VAV3: variants seen among roughly 807,000 people sequenced by gnomAD.
VAV3 encodes vav guanine nucleotide exchange factor 3, also known as guanine nucleotide exchange factor VAV3.
In VAV3, 94 loss-of-function variants were observed where a neutral mutation model predicts 131.2. The ratio of observed to expected loss-of-function variants is 0.72; its 90% CI spans 0.61 to 0.85. VAV3 has a LOEUF of 0.85. VAV3 is among the 40% of genes least tolerant of loss of function. The pLI is 0.00. For synonymous variants in VAV3, 349 were observed against 342.0 expected, an observed-to-expected ratio of 1.02 and a Z score of -0.22; for missense variants, 939 against 1,002.7, an observed-to-expected ratio of 0.94 and a Z score of 0.86.
chr1:107,634,187 A>C (rs1654726062), intron 20 of VAV3, among the ~76,000 whole-genome samples: 1 of 152,136 alleles, frequency 6.6e-6, no homozygotes, highest in South Asian at 2.1e-4. Flanking sequence ...CAAAAGAACA[A>C]AGCTGGAGGC....
At chr1:107,589,434 T>C (rs1463655833) in intron 25 of VAV3, among the ~76,000 whole-genome samples, 1 of 152,146 alleles carries the variant, frequency 6.6e-6, no homozygotes, top group African/African-American at 2.4e-5. Context: ...AACCAAGCCA[T>C]GCCAAGGATT....
chr1:107,964,618 A>T, intron 1 of VAV3, 48 bp downstream of exon 1: 1 of 1,584,450 alleles, frequency 6.3e-7, no homozygotes, highest in Non-Finnish European at 8.6e-7. Context: ...CCGCATGATT[A>T]ATGGGAGCTG....
intron 2 of VAV3, among the ~76,000 whole-genome samples, chr1:107,829,127 T>A (rs1390966017): frequency 6.6e-6 from 1 of 152,186 alleles, no homozygotes; most frequent in Non-Finnish European, 1.5e-5. Flanking sequence ...CACAGAGAGA[T>A]GTTAGTAAAA....
At chr1:107,614,142 G>A (rs1187694321) in intron 21 of VAV3, among the ~76,000 whole-genome samples, 1 of 151,966 alleles carries the variant, frequency 6.6e-6, no homozygotes, top group African/African-American at 2.4e-5. Context: ...AGAGCTCCTG[G>A]AATCGGGGAT....
chr1:107,808,120 T>C (rs911720645), intron 2 of VAV3, among the ~76,000 whole-genome samples: 1 of 152,216 alleles, frequency 6.6e-6, no homozygotes, highest in Non-Finnish European at 1.5e-5. Flanking sequence ...AGATATTTTA[T>C]ACAATGTCCT....
intron 1 of VAV3, among the ~76,000 whole-genome samples, chr1:107,905,581 G>A (rs1004975421): frequency 1.1e-4 from 16 of 151,950 alleles, no homozygotes; most frequent in African/African-American, 2.2e-4. Flanking sequence ...TTACATTGCT[G>A]CCCAGATTGC....
At chr1:107,888,238 C>T (rs185110690) in intron 1 of VAV3, among the ~76,000 whole-genome samples, 2 of 152,242 alleles carry the variant, frequency 1.3e-5, no homozygotes, top group African/African-American at 4.8e-5. Context: ...GCAACATTCC[C>T]CACAAGTGAC....
chr1:107,822,144 G>C (rs1269728160), intron 2 of VAV3, among the ~76,000 whole-genome samples: 1 of 152,098 alleles, frequency 6.6e-6, no homozygotes, highest in Non-Finnish European at 1.5e-5. Context: ...TATCTCTTGA[G>C]GCAAAACTCC....
chr1:107,892,950 T>C (rs1360526592), intron 1 of VAV3, among the ~76,000 whole-genome samples: 1 of 152,210 alleles, frequency 6.6e-6, no homozygotes, highest in Non-Finnish European at 1.5e-5. Flanking sequence ...GGCTGAGCAC[T>C]ACCTGGCCTC....
chr1:107,635,672 T>C (rs1040039433), intron 20 of VAV3, among the ~76,000 whole-genome samples: 6 of 152,124 alleles, frequency 3.9e-5, no homozygotes, highest in Admixed American at 2.6e-4. Context: ...ACAAATTTGA[T>C]GGTGACAGTG....
At chr1:107,644,305 G>C (rs1182611519) in intron 19 of VAV3, among the ~76,000 whole-genome samples, 1 of 152,120 alleles carries the variant, frequency 6.6e-6, no homozygotes, top group East Asian at 1.9e-4. Context: ...GTAATATAAA[G>C]TGGAATAATT....
chr1:107,617,243 G>T (rs755993445), intron 21 of VAV3, among the ~76,000 whole-genome samples: 2 of 152,094 alleles, frequency 1.3e-5, no homozygotes, highest in African/African-American at 4.8e-5. Context: ...GAGGCAGACC[G>T]TACCATTCTC....
chr1:107,870,327 T>C (rs1195930870), intron 2 of VAV3, among the ~76,000 whole-genome samples: 1 of 152,160 alleles, frequency 6.6e-6, no homozygotes, highest in East Asian at 1.9e-4. Context: ...ATTATGGCCA[T>C]TCTTGCAGGA....
chr1:107,933,036 T>C (rs1444943881), intron 1 of VAV3, among the ~76,000 whole-genome samples: 5 of 152,202 alleles, frequency 3.3e-5, no homozygotes, highest in Non-Finnish European at 7.3e-5. Context: ...CATATCCCAA[T>C]GTTAAGGAAT....
At chr1:107,710,617 C>T (rs945397472) in intron 15 of VAV3, among the ~76,000 whole-genome samples, 6 of 152,142 alleles carry the variant, frequency 3.9e-5, no homozygotes, top group Admixed American at 3.3e-4. Context: ...TGGCTCTCTT[C>T]TTGCATCCTT....
intron 2 of VAV3, among the ~76,000 whole-genome samples, chr1:107,832,769 G>C (rs961371721): frequency 1.3e-5 from 2 of 152,156 alleles, no homozygotes; most frequent in African/African-American, 4.8e-5. Context: ...TTTAAAAACA[G>C]TAACGCTGTA....
At position 107,669,513 on chromosome 1, in the gene VAV3, G is replaced by T. The variant is rs2494046; in HGVS notation, c.1777+13975C>A. On this transcript the variant is annotated intron_variant, in intron 19 of 26. Transcript: ENST00000370056. ...AAGAAATAAACACATTTTCAAGAAT[G>T]CCTGAAAATTTCACCATGGATCCAT... 752 of 1,274,020 alleles carry T rather than the reference G, an allele frequency of 5.9e-4. 4 individuals are homozygous for T. The African/African-American group carries it at 0.011, about 18-fold the overall frequency. 78.9% of individuals were successfully genotyped at this position (1,274,020 alleles called of 1,614,324 possible). A position where few individuals can be genotyped will look rare whatever the true frequency, so the allele number is the denominator to read the frequency against.
At chr1:107,593,006 G>C (rs1452017781) in intron 25 of VAV3, among the ~76,000 whole-genome samples, 1 of 152,038 alleles carries the variant, frequency 6.6e-6, no homozygotes, top group Non-Finnish European at 1.5e-5. Flanking sequence ...TGCTATGCCT[G>C]AGTTCTCTCT....
At chr1:107,854,371 C>A (rs1669370209) in intron 2 of VAV3, among the ~76,000 whole-genome samples, 1 of 152,116 alleles carries the variant, frequency 6.6e-6, no homozygotes, top group African/African-American at 2.4e-5. Context: ...CCACCCTGGG[C>A]AAACAGATAC....
Sources: gnomAD v4.1 joint callset for allele counts (sites outside exome capture counted in the v4.1 genomes callset) on GRCh38, gnomAD v4.1.1 for gene constraint, MANE v1.5 for transcripts, NCBI Gene and HGNC (gene_info 2026-07-23, HGNC 2026-07-21) for gene names.